The following MAPK14 variants were observed in gnomAD, a reference collection of about 807,000 sequenced individuals.
The protein encoded by MAPK14 is CSAID-binding protein.
In MAPK14, 16 loss-of-function variants were observed where a neutral mutation model predicts 49.6. That is an observed-to-expected ratio of 0.32 (90% CI 0.22 to 0.49). The LOEUF is 0.49. Ranked by LOEUF, MAPK14 falls within the 20% of genes least tolerant of loss-of-function variation. The probability of loss-of-function intolerance (pLI) is 0.99; values close to 1 mark genes in which losing one functional copy is unlikely to be tolerated. For synonymous variants in MAPK14, 142 were observed against 158.0 expected (o/e 0.90, Z 0.76); for missense variants, 200 against 441.2 (o/e 0.45, Z 4.90).
rs1404508629 is a variant in MAPK14, at chr6:36,072,738, C to G, written c.306-135C>G. On this transcript the variant is annotated intron_variant, in intron 3 of 11. Coordinates refer to ENST00000229794, the MANE Select transcript of MAPK14 (RefSeq NM_139012.3). Reference sequence around the variant, plus strand: ...TGAGATTGCGCCACTGCACTCCAGCCTGGCAGTAGAGCGAGACTCCATTTC... The same window carrying G: ...TGAGATTGCGCCACTGCACTCCAGCGTGGCAGTAGAGCGAGACTCCATTTC... The G allele has an allele frequency of 4.3e-5, 23 of 530,596 alleles. 1 individual carries two copies. The Admixed American group carries it at 8.1e-4, about 19-fold the overall frequency. 32.9% of individuals were successfully genotyped at this position (530,596 alleles called of 1,614,324 possible).
downstream of MAPK14, among the ~76,000 whole-genome samples, chr6:36,111,617 C>T (rs530057270): frequency 2.6e-5 from 4 of 152,222 alleles, no homozygotes; most frequent in South Asian, 8.3e-4. Flanking sequence ...AATTGCATCA[C>T]GGGATGAAAG....
chr6:36,087,468 A>C (rs898176710), intron 8 of MAPK14, among the ~76,000 whole-genome samples: 2 of 152,208 alleles, frequency 1.3e-5, no homozygotes, highest in Non-Finnish European at 2.9e-5. Flanking sequence ...AAAAATCACA[A>C]CTATTCCTAT....
chr6:36,040,315 C>A (rs143809869), intron 1 of MAPK14, among the ~76,000 whole-genome samples: 5 of 152,082 alleles, frequency 3.3e-5, no homozygotes, highest in African/African-American at 4.8e-5. Flanking sequence ...TATCTCTTGA[C>A]GGGTAGGGAG....
chr6:36,072,974 G>A lies in MAPK14; in HGVS notation c.407G>A (p.Arg136Gln). The stretch of plus-strand genomic sequence containing the variant: ...CAGTTCCTTATCTACCAAATTCTCC[G>A]AGGTCTAAAGGTACAGATAATACAA... ...HVQFLIYQILRGLKYIHSADI... is the reference protein window; with the variant it reads ...HVQFLIYQILQGLKYIHSADI... Residue 136 changes from arginine to glutamine, a missense_variant, in exon 4 of 12, where the codon CGA becomes CAA. This residue lies in a region of MAPK14 where 170 missense variants were observed against 407.0 expected (regional missense o/e 0.42). Transcript: ENST00000229794. 1.3e-6 allele frequency: 2 copies of A among 1,592,286 alleles called. No individual in the cohort carries two copies. The highest frequency in any genetic ancestry group is 1.7e-6 in the Non-Finnish European group (2 of 1,161,016).
intron 2 of MAPK14, among the ~76,000 whole-genome samples, chr6:36,055,144 C>G (rs1392360572): frequency 1.3e-5 from 2 of 152,226 alleles, no homozygotes; most frequent in Non-Finnish European, 2.9e-5. Context: ...ACCTTGATCT[C>G]GTTAACACCT....
chr6:36,078,090 A>G (rs188923388), intron 8 of MAPK14, among the ~76,000 whole-genome samples: 4 of 152,364 alleles, frequency 2.6e-5, no homozygotes, highest in Admixed American at 2.6e-4. Flanking sequence ...GCAGTATAAC[A>G]TACAGGTTAA....
chr6:36,073,598 G>T (rs536920380), intron 4 of MAPK14, 93 bp from the exon 5 acceptor site: 1 of 965,358 alleles, frequency 1.0e-6, no homozygotes, highest in East Asian at 2.4e-5. Flanking sequence ...AACACTAGCA[G>T]TTCTTACTGA....
intron 3 of MAPK14, among the ~76,000 whole-genome samples, chr6:36,060,359 A>G (rs552472653): frequency 6.6e-6 from 1 of 152,312 alleles, no homozygotes; most frequent in African/African-American, 2.4e-5. Flanking sequence ...TCTCTACTAT[A>G]GTAGCTTTTC....
intron 2 of MAPK14, among the ~76,000 whole-genome samples, chr6:36,058,352 T>C (rs1201798972): frequency 6.6e-6 from 1 of 152,234 alleles, no homozygotes; most frequent in Non-Finnish European, 1.5e-5. Context: ...GTTGGATTAA[T>C]TCATTAGACC....
intron 9 of MAPK14, among the ~76,000 whole-genome samples, chr6:36,101,242 C>G (rs1419318710): frequency 6.6e-6 from 1 of 152,072 alleles, no homozygotes; most frequent in African/African-American, 2.4e-5. Context: ...GAGTTTGAGA[C>G]CATCCTGGGC....
intron 1 of MAPK14, among the ~76,000 whole-genome samples, chr6:36,040,286 A>G (rs7760578): frequency 0.14 from 21,616 of 152,124 alleles, 1,919 homozygotes; most frequent in African/African-American, 0.26. Flanking sequence ...ACAACCAAAA[A>G]TGTCTAGACA....
Position 36,027,822 on chromosome 6 carries a change from G to C in MAPK14, c.-336G>C, listed in dbSNP as rs1016385602. 2.5e-6 allele frequency: 1 copy of C among 400,580 alleles called. No homozygotes were observed. The highest frequency in any genetic ancestry group is 4.4e-6 in the Non-Finnish European group (1 of 227,638). 24.8% of individuals were successfully genotyped at this position (400,580 alleles called of 1,614,324 possible). ...GAACCGCGACCACTGGAGCCTTAGC[G>C]GGCGCAGCAGCTGGAACGGGAGTAC... On this transcript the variant is annotated 5_prime_UTR_variant, in exon 1 of 12. Coordinates refer to ENST00000229794, the MANE Select transcript of MAPK14 (RefSeq NM_139012.3).
chr6:36,079,952 CT>C (rs368370512), intron 8 of MAPK14, among the ~76,000 whole-genome samples: 2,283 of 145,610 alleles, frequency 0.016, 58 homozygotes, highest in African/African-American at 0.047. Flanking sequence ...CCATTTTAAC[CT>C]TTTTTTTTTT....
At chr6:36,071,240 C>T (rs1581785987) in intron 3 of MAPK14, among the ~76,000 whole-genome samples, 2 of 151,272 alleles carry the variant, frequency 1.3e-5, no homozygotes, top group South Asian at 2.1e-4. Context: ...GGCTGAGGCA[C>T]GAGAATCGCT....
chr6:36,073,005 A>T, intron 4 of MAPK14, 21 bp downstream of exon 4: 1 of 1,433,680 alleles, frequency 7.0e-7, no homozygotes, highest in Non-Finnish European at 9.8e-7. Context: ...TACAAGTAAT[A>T]ATTTTTTAAA....
At position 36,102,661 on chromosome 6, in the gene MAPK14, A is replaced by G. The variant is rs200999556; in HGVS notation, c.841+12A>G. 3 of 1,613,268 alleles carry G rather than the reference A, an allele frequency of 1.9e-6. No individual in the cohort carries two copies. The highest frequency in any genetic ancestry group is 2.5e-6 in the Non-Finnish European group (3 of 1,179,248). ...TGCCAATCCCCTGGGTAAGTTGACC[A>G]TATATCCTCACCTCATGGATATTGA... is the stretch of plus-strand genomic sequence containing the variant. On this transcript the variant is annotated intron_variant, in intron 10 of 11. Transcript: ENST00000229794.
chr6:36,096,969 C>G (rs553169917), intron 9 of MAPK14: 4 of 152,240 alleles, frequency 2.6e-5, no homozygotes, highest in African/African-American at 9.6e-5. Context: ...GCTATGGAGC[C>G]AAGCTCCAGT....
chr6:36,087,025 A>G (rs1765013004), intron 8 of MAPK14, among the ~76,000 whole-genome samples: 1 of 152,250 alleles, frequency 6.6e-6, no homozygotes, highest in Admixed American at 6.5e-5. Context: ...GATCACATAA[A>G]CAGAACTAAA....
At chr6:36,111,644 A>G (rs1765974523), downstream of MAPK14, among the ~76,000 whole-genome samples, 1 of 152,116 alleles carries the variant, frequency 6.6e-6, no homozygotes, top group African/African-American at 2.4e-5. Context: ...GGGGTCTCAC[A>G]GCTGAGTTCT....
Sources: allele counts gnomAD v4.1 joint callset (sites outside exome capture counted in the v4.1 genomes callset), GRCh38; gene constraint gnomAD v4.1.1; regional missense constraint gnomAD v4.1.1; transcripts MANE v1.5; gene names NCBI Gene and HGNC (gene_info 2026-07-23, HGNC 2026-07-21).